Variants in STX4 observed in about 807,000 individuals in gnomAD.
The protein encoded by STX4 is syntaxin 4, also known as syntaxin-4.
In STX4, 24 loss-of-function variants were observed where a neutral mutation model predicts 41.8. The observed-to-expected ratio is 0.57, with a 90% CI of 0.42 to 0.81. STX4 has a LOEUF of 0.81. STX4 is among the 30% of genes least tolerant of loss of function. The probability of loss-of-function intolerance (pLI) is 0.00; values close to 1 mark genes in which losing one functional copy is unlikely to be tolerated. For missense variants in STX4, 316 were observed against 389.9 expected (o/e 0.81, Z 1.60); for synonymous variants, 158 against 156.4 (o/e 1.01, Z -0.08).
chr16:31,037,899 C>T, intron 5 of STX4, 27 bp from the exon 6 acceptor site: 2 of 1,612,690 alleles, frequency 1.2e-6, no homozygotes, highest in African/African-American at 2.7e-5. Context: ...CTCCCAGGGG[C>T]ACTCAGCCTA....
Position 31,039,808 on chromosome 16 carries a change from G to C in STX4, c.*5G>C. 6.2e-7 allele frequency: 1 copy of C among 1,614,090 alleles called. No individual in the cohort carries two copies. The highest frequency in any genetic ancestry group is 8.5e-7 in the Non-Finnish European group (1 of 1,179,968). On this transcript the variant is annotated 3_prime_UTR_variant, in exon 10 of 11. Coordinates refer to ENST00000313843, the MANE Select transcript of STX4 (RefSeq NM_004604.5). The surrounding 1 kb of genome is among the most constrained non-coding windows in gnomAD (Gnocchi z 4.1). ...GGCGTCACAGTGGTTGGATAATGTC[G>C]CACATTGTTGGTGAGATGTTGTGGG...
At chr16:31,034,880 G>A (rs1194989606) in intron 4 of STX4, 90 bp from the exon 5 acceptor site, 3 of 1,198,574 alleles carry the variant, frequency 2.5e-6, no homozygotes, top group Non-Finnish European at 3.5e-6. Context: ...TCCTCTTAGA[G>A]GCTCAGCCTT....
intron 3 of STX4, 47 bp from the exon 4 acceptor site, chr16:31,034,415 T>C: frequency 2.5e-6 from 4 of 1,603,300 alleles, no homozygotes; most frequent in Non-Finnish European, 3.4e-6. Flanking sequence ...GAGTGGTTTG[T>C]TGAGGTGGGG....
chr16:31,033,784 G>C lies in STX4; in HGVS notation c.-22G>C, dbSNP rs1306473134. On this transcript the variant is annotated 5_prime_UTR_variant, in exon 1 of 11. Coordinates refer to ENST00000313843, the MANE Select transcript of STX4 (RefSeq NM_004604.5). The surrounding 1 kb of genome is among the most constrained non-coding windows in gnomAD (Gnocchi z 5.5). Reference sequence around the variant, plus strand: ...TGAGGGCCTCCCGGCTCTGGCGCCGGGGAGGGAGAGCTCAGGCCGCCATGC... The same window carrying C: ...TGAGGGCCTCCCGGCTCTGGCGCCGCGGAGGGAGAGCTCAGGCCGCCATGC... 2 of 1,452,132 alleles carry C rather than the reference G, an allele frequency of 1.4e-6. No individual in the cohort carries two copies. Among genetic ancestry groups the C allele is most frequent in the African/African-American group, 1.4e-5 (1 of 69,684 alleles). 90.0% of individuals were successfully genotyped at this position (1,452,132 alleles called of 1,614,324 possible).
At chr16:31,035,952 T>C (rs2056796341) in intron 5 of STX4, among the ~76,000 whole-genome samples, 1 of 152,020 alleles carries the variant, frequency 6.6e-6, no homozygotes, top group Non-Finnish European at 1.5e-5. Context: ...TAATTTTTTA[T>C]ATTTTTGGTA....
chr16:31,037,838 T>C, intron 5 of STX4, 88 bp from the exon 6 acceptor site: 7 of 1,314,884 alleles, frequency 5.3e-6, no homozygotes, highest in Non-Finnish European at 7.6e-6. Context: ...GAGCTCATGC[T>C]ATTTGCTCAC....
intron 7 of STX4, 125 bp from the exon 8 acceptor site, chr16:31,038,385 T>C: frequency 1.4e-6 from 2 of 1,429,158 alleles, no homozygotes; most frequent in Non-Finnish European, 1.9e-6. Flanking sequence ...CTAAGGGAAT[T>C]AATTAGCCTG....
At chr16:31,038,055 C>G in intron 6 of STX4, 21 bp downstream of exon 6, 1 of 1,614,198 alleles carries the variant, frequency 6.2e-7, no homozygotes, top group Non-Finnish European at 8.5e-7. Flanking sequence ...CATGCCCAGC[C>G]TGGCCCGCAG....
chr16:31,035,064 A>G, intron 5 of STX4, 24 bp downstream of exon 5: 1 of 1,576,030 alleles, frequency 6.3e-7, no homozygotes, highest in Non-Finnish European at 8.7e-7. Context: ...CTCAGAAATG[A>G]GGACATTTCA....
chr16:31,034,636 A>G, intron 4 of STX4, 100 bp downstream of exon 4: 5 of 1,326,288 alleles, frequency 3.8e-6, no homozygotes, highest in Non-Finnish European at 4.1e-6. Flanking sequence ...TGATATATCC[A>G]GGTCACACAG....
intron 4 of STX4, 34 bp downstream of exon 4, chr16:31,034,570 T>G (rs369653301): frequency 1.3e-6 from 2 of 1,530,442 alleles, no homozygotes; most frequent in Non-Finnish European, 1.8e-6. Flanking sequence ...GATCCTTCCC[T>G]CTGATCCTGC....
At chr16:31,036,044 G>T (rs1377975092) in intron 5 of STX4, among the ~76,000 whole-genome samples, 1 of 152,086 alleles carries the variant, frequency 6.6e-6, no homozygotes, top group Non-Finnish European at 1.5e-5. Flanking sequence ...CTCGCAAAGT[G>T]CTATGATTAT....
At chr16:31,038,684 C>T (rs1174587652) in intron 8 of STX4, 37 bp downstream of exon 8, 4 of 1,607,914 alleles carry the variant, frequency 2.5e-6, no homozygotes, top group East Asian at 4.5e-5. Flanking sequence ...TGAGACCAGG[C>T]TCAGTCCAAA....
chr16:31,038,421 G>A (rs2056819480), intron 7 of STX4, 89 bp from the exon 8 acceptor site: 1 of 1,564,828 alleles, frequency 6.4e-7, no homozygotes, highest in South Asian at 1.1e-5. Flanking sequence ...CAGATTCCAG[G>A]CTGAGGGCTC....
intron 3 of STX4, 21 bp downstream of exon 3, chr16:31,034,346 A>G (rs1596734735): frequency 6.2e-7 from 1 of 1,613,818 alleles, no homozygotes. Flanking sequence ...CCCCGGCTGC[A>G]GGGCGCATGC....
chr16:31,033,313 G>A (rs965085492), upstream of STX4: 6 of 739,958 alleles, frequency 8.1e-6, no homozygotes, highest in African/African-American at 3.5e-5. The surrounding 1 kb of genome is among the most constrained non-coding windows in gnomAD (Gnocchi z 5.5). Context: ...CGCGGTGGGG[G>A]CACCATGGGG....
At chr16:31,035,080 T>C in intron 5 of STX4, 40 bp downstream of exon 5, 1 of 1,540,662 alleles carries the variant, frequency 6.5e-7, no homozygotes, top group Middle Eastern at 1.7e-4. Context: ...TTTCAGCAAA[T>C]GTTTCATGAA....
chr16:31,038,060 C>T (rs778559081), intron 6 of STX4, 26 bp downstream of exon 6: 2 of 1,614,152 alleles, frequency 1.2e-6, no homozygotes, highest in Non-Finnish European at 1.7e-6. Flanking sequence ...CCAGCCTGGC[C>T]CGCAGGGGCA....
rs372737064 is a variant in STX4, at chr16:31,039,670, G to A, written c.813+19G>A. 8.1e-6 allele frequency: 13 copies of A among 1,614,054 alleles called. No individual in the cohort carries two copies. The highest frequency in any genetic ancestry group is 3.3e-5 in the Admixed American group (2 of 60,004). ...GAGGAAGGTGAGCCTCCCAGGCCCG[G>A]CCACTGCCCCAGGCACCCTGTGTGA... On this transcript the variant is annotated intron_variant, in intron 9 of 10. Transcript: ENST00000313843. This position sits in a 1 kb window ranked among gnomAD's most constrained non-coding sequence, Gnocchi z 4.1.
Sources: allele counts gnomAD v4.1 joint callset (sites outside exome capture counted in the v4.1 genomes callset), GRCh38; gene constraint gnomAD v4.1.1; non-coding constraint Gnocchi (gnomAD v3.1); transcripts MANE v1.5; gene names NCBI Gene and HGNC (gene_info 2026-07-23, HGNC 2026-07-21).